Variants in TOP2B observed in about 807,000 individuals in gnomAD.
The protein encoded by TOP2B is DNA topoisomerase II beta.
Under a neutral mutation model 193.5 loss-of-function variants are expected in TOP2B, and 51 were observed. The ratio of observed to expected loss-of-function variants is 0.26; its 90% confidence interval spans 0.21 to 0.33. The LOEUF is 0.33. Among genes scored for constraint, TOP2B ranks in the 10% least tolerant of loss-of-function variants. The probability of loss-of-function intolerance (pLI) is 1.00; values close to 1 mark genes in which losing one functional copy is unlikely to be tolerated. For missense variants in TOP2B, 1,378 were observed against 1,909.3 expected (o/e 0.72, Z 5.19); for synonymous variants, 634 against 635.7 (o/e 1.00, Z 0.04).
intron 1 of TOP2B, among the ~76,000 whole-genome samples, chr3:25,649,563 C>T (rs913708226): frequency 6.7e-6 from 1 of 149,868 alleles, no homozygotes; most frequent in Non-Finnish European, 1.5e-5. Context: ...CAGCAGAAAC[C>T]TTGCAAGATA....
chr3:25,663,272 A>G (rs909022978), intron 1 of TOP2B, among the ~76,000 whole-genome samples: 1 of 152,244 alleles, frequency 6.6e-6, no homozygotes, highest in African/African-American at 2.4e-5. Context: ...AAAAATGCCT[A>G]TATGAAAGCT....
At chr3:25,632,060 G>C (rs1702975203) in intron 10 of TOP2B, among the ~76,000 whole-genome samples, 1 of 151,974 alleles carries the variant, frequency 6.6e-6, no homozygotes, top group Non-Finnish European at 1.5e-5. Flanking sequence ...AGTACATTTT[G>C]TTATACATGT....
rs766308401 is a variant in TOP2B at position 25,618,807 on chromosome 3, C to A, written c.3106G>T (p.Val1036Leu). 2 of 1,610,066 alleles carry A rather than the reference C, an allele frequency of 1.2e-6. No individual in the cohort carries two copies. The highest frequency in any genetic ancestry group is 2.2e-5 in the East Asian group (1 of 44,786). Residue 1036 changes from valine to leucine, a missense_variant, in exon 24 of 36, where the codon GTG becomes TTG. Around this residue, in one of 9 missense-constraint regions of TOP2B, gnomAD observed 379 missense variants for 615.1 expected, o/e 0.62. Transcript: ENST00000264331. ...AAGAATTCTTTCAGAATGTCTTGCACAGTTTCATATTTCTTCAGACATCCC... is the reference window on the plus strand; with the variant it reads ...AAGAATTCTTTCAGAATGTCTTGCAAAGTTTCATATTTCTTCAGACATCCC... ...HMGCLKKYET[V>L]QDILKEFFDL...
intron 27 of TOP2B, 41 bp downstream of exon 27, chr3:25,615,164 C>T: frequency 1.3e-6 from 2 of 1,535,228 alleles, no homozygotes; most frequent in Non-Finnish European, 1.8e-6. Context: ...TGTTCATAAA[C>T]ATGACTTTTC....
At chr3:25,606,904 G>T (rs940572303) in intron 31 of TOP2B, among the ~76,000 whole-genome samples, 1 of 152,110 alleles carries the variant, frequency 6.6e-6, no homozygotes, top group African/African-American at 2.4e-5. Flanking sequence ...TACTAGAATG[G>T]CAGCATTAAG....
chr3:25,630,054 C>T lies in TOP2B; in HGVS notation c.1664G>A (p.Gly555Glu). The T allele has an allele frequency of 6.2e-7, 1 of 1,607,322 alleles. No individual in the cohort carries two copies. ...DAESLKTLRY[G>E]KIMIMTDQDQ... ...CTGATCGGTCATAATCATAATCTTTCCATAGCGTAAGGTTTTCAGAGATTC... is the reference window on the plus strand; with the variant it reads ...CTGATCGGTCATAATCATAATCTTTTCATAGCGTAAGGTTTTCAGAGATTC... Residue 555 changes from glycine to glutamate, a missense_variant, in exon 13 of 36, where the codon GGA (glycine) becomes GAA (glutamate). This residue lies in a region of TOP2B where 66 missense variants were observed against 153.3 expected (regional missense o/e 0.43). Coordinates refer to ENST00000264331, the MANE Select transcript of TOP2B (RefSeq NM_001330700.2).
chr3:25,598,170 A>AT lies in TOP2B; in HGVS notation c.*136_*137insA, dbSNP rs1215440896. On this transcript the variant is annotated 3_prime_UTR_variant, in exon 36 of 36. Coordinates refer to ENST00000264331, the MANE Select transcript of TOP2B (RefSeq NM_001330700.2). ...TGTATGTGTAAGAACAAAATGTTAA[A>AT]AGGCCTACCACAATAATAAAAAACC... is the stretch of plus-strand genomic sequence containing the variant. 4.6e-6 allele frequency: 4 copies of AT among 868,808 alleles called. No individual in the cohort carries two copies. The highest frequency in any genetic ancestry group is 5.2e-6 in the Non-Finnish European group (3 of 581,034). The allele number at this position is 868,808 out of a possible 1,614,324, so 53.8% of individuals were successfully genotyped here.
intron 1 of TOP2B, among the ~76,000 whole-genome samples, chr3:25,650,399 C>CT (rs1188731071): frequency 5.9e-5 from 9 of 152,226 alleles, no homozygotes; most frequent in Non-Finnish European, 1.2e-4. Context: ...ACTTCCACCT[C>CT]TTAGTAGCCA....
At chr3:25,615,054 C>T in intron 27 of TOP2B, 151 bp downstream of exon 27, 1 of 504,186 alleles carries the variant, frequency 2.0e-6, no homozygotes. Flanking sequence ...TTCTTTATAA[C>T]TTCACATAAC....
At chr3:25,609,435 CA>C in intron 29 of TOP2B, 91 bp from the exon 30 acceptor site, 1 of 1,451,914 alleles carries the variant, frequency 6.9e-7, no homozygotes, top group Non-Finnish European at 9.2e-7. Flanking sequence ...AAGTTCATTA[CA>C]AAATAAACGT....
chr3:25,619,590 T>C (rs1211653338), intron 23 of TOP2B, among the ~76,000 whole-genome samples: 2 of 152,104 alleles, frequency 1.3e-5, no homozygotes, highest in Non-Finnish European at 2.9e-5. Flanking sequence ...ATAACCACTC[T>C]CATAACTTTT....
intron 14 of TOP2B, 29 bp downstream of exon 14, chr3:25,629,006 A>T (rs1466535169): frequency 6.4e-7 from 1 of 1,571,966 alleles, no homozygotes; most frequent in Non-Finnish European, 8.6e-7. Flanking sequence ...TAAGACAACA[A>T]TATAAAAATA....
intron 1 of TOP2B, among the ~76,000 whole-genome samples, chr3:25,653,398 G>A (rs538454473): frequency 6.6e-6 from 1 of 151,808 alleles, no homozygotes; most frequent in East Asian, 1.9e-4. Context: ...CAATTCAATA[G>A]CACTTTTTTT....
At position 25,636,933 on chromosome 3, in the gene TOP2B, G is replaced by C. The variant is rs925474307; in HGVS notation, c.639+282C>G. 2.0e-5 allele frequency among the ~76,000 whole-genome samples: 3 copies of C among 152,066 alleles called. No homozygotes were observed. The East Asian group carries it at 5.8e-4, about 29-fold the overall frequency. On this transcript the variant is annotated intron_variant, in intron 6 of 35. Coordinates refer to ENST00000264331, the MANE Select transcript of TOP2B (RefSeq NM_001330700.2). The stretch of plus-strand genomic sequence containing the variant: ...ACACACTAAGTGGTTGCATGTACAT[G>C]AGTCTGCGAGGTTCAGGACATTTTC...
chr3:25,646,051 G>A (rs952564723), intron 1 of TOP2B, among the ~76,000 whole-genome samples: 2 of 151,540 alleles, frequency 1.3e-5, no homozygotes, highest in African/African-American at 4.9e-5. Context: ...CATTACAGGT[G>A]TGAGCCACCA....
intron 10 of TOP2B, among the ~76,000 whole-genome samples, chr3:25,631,141 TGAAAAAG>T (rs1245976267): frequency 6.6e-6 from 1 of 151,982 alleles, no homozygotes. Context: ...TATAAATACA[TGAAAAAG>T]GATAACTTTT....
intron 18 of TOP2B, among the ~76,000 whole-genome samples, chr3:25,626,062 A>G (rs1257649181): frequency 1.3e-5 from 2 of 150,180 alleles, no homozygotes; most frequent in Non-Finnish European, 3.0e-5. Flanking sequence ...AGGTTATGAG[A>G]AAAAAAAAAG....
chr3:25,611,111 C>G (rs746771264), intron 28 of TOP2B, among the ~76,000 whole-genome samples: 1 of 152,182 alleles, frequency 6.6e-6, no homozygotes, highest in Non-Finnish European at 1.5e-5. Flanking sequence ...GAGCTTGGCA[C>G]TCCTGAAAGC....
rs762917003 is a variant in TOP2B, at chr3:25,632,808, A to G, written c.1027-14T>C. ...GTGCCGTCCACCCTAAAGAAAAAAAAATATATGAAATCTGAAATCCTGTAT... is the reference window on the plus strand; with the variant it reads ...GTGCCGTCCACCCTAAAGAAAAAAAGATATATGAAATCTGAAATCCTGTAT... On this transcript the variant is annotated splice_polypyrimidine_tract_variant and intron_variant, in intron 8 of 35. Transcript: ENST00000264331. 6.3e-7 allele frequency: 1 copy of G among 1,599,116 alleles called. No individual in the cohort carries two copies.
Sources: gnomAD v4.1 joint callset for allele counts (sites outside exome capture counted in the v4.1 genomes callset) on GRCh38, gnomAD v4.1.1 for gene constraint, gnomAD v4.1.1 regional missense constraint, MANE v1.5 for transcripts, NCBI Gene and HGNC (gene_info 2026-07-23, HGNC 2026-07-21) for gene names.